The following FANCM variants were observed in gnomAD, a reference collection of about 807,000 sequenced individuals.
FANCM encodes Fanconi anemia group M protein.
Under a neutral mutation model 199.5 loss-of-function variants are expected in FANCM, and 140 were observed. That is an observed-to-expected ratio of 0.70 (90% CI 0.61 to 0.81). FANCM has a LOEUF of 0.81. Among genes scored for constraint, FANCM ranks in the 30% least tolerant of loss-of-function variants. FANCM has a pLI of 0.00. For synonymous variants in FANCM, 840 were observed against 836.8 expected (o/e 1.00, Z -0.07); for missense variants, 2,410 against 2,421.4 (o/e 1.00, Z 0.10).
rs1888675805 is a variant in FANCM, at chr14:45,176,156, G to C, written c.3402G>C (p.Leu1134Phe). 1.2e-6 allele frequency: 2 copies of C among 1,613,990 alleles called. No homozygotes were observed. Among genetic ancestry groups the C allele is most frequent in the Non-Finnish European group, 1.7e-6 (2 of 1,179,938 alleles). ...TGTCCACTGATCAAGATGAAAGTTTGCTGTTATTTGAAGATGTTAATACAG... is the reference window on the plus strand; with the variant it reads ...TGTCCACTGATCAAGATGAAAGTTTCCTGTTATTTGAAGATGTTAATACAG... ...PVLSTDQDESLLLFEDVNTEF... is the reference protein window; with the variant it reads ...PVLSTDQDESFLLFEDVNTEF... Residue 1134 changes from leucine to phenylalanine, a missense_variant, in exon 14 of 23, where the codon TTG becomes TTC. Physicochemically the swap from Leu to Phe is conservative, Grantham distance 22. Transcript: ENST00000267430.
intron 8 of FANCM, among the ~76,000 whole-genome samples, chr14:45,157,173 C>A (rs1887259412): frequency 2.0e-5 from 3 of 151,998 alleles, no homozygotes; most frequent in Non-Finnish European, 4.4e-5. Context: ...AAAGAAAGAG[C>A]AAACATGTTA....
rs1386562227 is a variant in FANCM, at chr14:45,167,092, A to C, written c.1931A>C (p.His644Pro). ...AAATTACACAAAATGTTCATCACAC[A>C]TGGTGTCTATGAACCAGAGAAGCCT... ...NPKLHKMFIT[H>P]GVYEPEKPSR... The change falls in exon 11 of 23, where the codon CAT (histidine) becomes CCT (proline). Residue 644 changes from histidine (H) to proline (P), a missense_variant. Physicochemically the swap from His to Pro is moderately conservative, Grantham distance 77 (BLOSUM62 -2). Coordinates refer to ENST00000267430, the MANE Select transcript of FANCM (RefSeq NM_020937.4). 2 of 1,613,404 alleles carry C rather than the reference A, an allele frequency of 1.2e-6. No homozygotes were observed. Among genetic ancestry groups the C allele is most frequent in the African/African-American group, 2.7e-5 (2 of 75,028 alleles).
chr14:45,155,257 T>A (rs1887096234), intron 7 of FANCM, 116 bp from the exon 8 acceptor site: 1 of 572,142 alleles, frequency 1.7e-6, no homozygotes, highest in Non-Finnish European at 3.1e-6. Context: ...TTAAGTTTTT[T>A]AAAAATTAAA....
chr14:45,185,536 T>C (rs569967508), intron 18 of FANCM, among the ~76,000 whole-genome samples, 163 bp downstream of exon 18: 1 of 152,348 alleles, frequency 6.6e-6, no homozygotes, highest in East Asian at 1.9e-4. Context: ...TAATACTTGC[T>C]TTATTTTAGA....
chr14:45,157,157 ATAAC>A (rs1344428032), intron 8 of FANCM, among the ~76,000 whole-genome samples: 1 of 152,180 alleles, frequency 6.6e-6, no homozygotes, highest in Non-Finnish European at 1.5e-5. Context: ...AAAAAAAAGA[ATAAC>A]AAAAGAAAGA....
In FANCM at chr14:45,176,752, A is replaced by C. The variant is rs143681767; in HGVS notation, c.3998A>C (p.Gln1333Pro). The C allele has an allele frequency of 2.9e-4, 472 of 1,603,532 alleles. 1 individual carries two copies. Among genetic ancestry groups the C allele is most frequent in the Non-Finnish European group, 3.8e-4 (443 of 1,173,640 alleles). Residue 1333 changes from glutamine to proline, a missense_variant, in exon 14 of 23, where the codon CAA becomes CCA. By Grantham distance (76) the Gln-to-Pro change is moderately conservative. Coordinates refer to ENST00000267430, the MANE Select transcript of FANCM (RefSeq NM_020937.4). ...PGYSQFSLPVQKKVMSTPLSK... is the reference protein window; with the variant it reads ...PGYSQFSLPVPKKVMSTPLSK... ...TATTCTCAGTTTTCTTTACCAGTGC[A>C]AAAAAAAGTTATGAGTACACCACTC...
Position 45,135,960 on chromosome 14 carries a change from G to T in FANCM, c.-72G>T. The T allele has an allele frequency of 2.0e-6, 3 of 1,531,444 alleles. No individual in the cohort carries two copies. The South Asian group carries it at 3.4e-5, about 17-fold the overall frequency. The allele number at this position is 1,531,444 out of a possible 1,614,324, so 94.9% of individuals were successfully genotyped here. On this transcript the variant is annotated 5_prime_UTR_variant, in exon 1 of 23. Transcript: ENST00000267430. ...GTTTTGTGCGAAGGAAACCGATGGG[G>T]ATCGGAACCGTAGCGGTTGAGCTGC...
At chr14:45,141,507 T>TC (rs1231647926) in intron 3 of FANCM, among the ~76,000 whole-genome samples, 1 of 81,996 alleles carries the variant, frequency 1.2e-5, no homozygotes, top group East Asian at 4.2e-4. Context: ...TCTGTTCTCC[T>TC]CCCCCTCCCC....
In FANCM at chr14:45,196,327, A is replaced by C. The variant is rs374303319; in HGVS notation, c.5496A>C (p.Glu1832Asp). The C allele has an allele frequency of 7.4e-6, 12 of 1,614,052 alleles. No homozygotes were observed. Among genetic ancestry groups the C allele is most frequent in the East Asian group, 4.5e-5 (2 of 44,876 alleles). ...GTCATGAAATCACTTCTGGATTAGAAGTAATTTCTTCCCTAAGAGCAATTC... is the reference window on the plus strand; with the variant it reads ...GTCATGAAATCACTTCTGGATTAGACGTAATTTCTTCCCTAAGAGCAATTC... ...VGGHEITSGL[E>D]VISSLRAIHG... The change falls in exon 21 of 23, where the codon GAA (glutamate) becomes GAC (aspartate). Residue 1832 changes from glutamate to aspartate, a missense_variant. Transcript: ENST00000267430.
At chr14:45,157,111 T>C (rs1887252735) in intron 8 of FANCM, among the ~76,000 whole-genome samples, 2 of 152,048 alleles carry the variant, frequency 1.3e-5, no homozygotes, top group African/African-American at 4.8e-5. Flanking sequence ...AAACATATTG[T>C]ACAACATAAA....
rs1158556585 is a variant in FANCM at position 45,192,653 on chromosome 14, AAAAACCAAAC to A, written c.5340+3296_5340+3305del. Among the ~76,000 whole-genome samples the A allele has an allele frequency of 2.2e-4, 33 of 151,984 alleles. 1 individual carries two copies. Among genetic ancestry groups the A allele is most frequent in the Admixed American group, 2.2e-3 (33 of 15,262 alleles). On this transcript the variant is annotated intron_variant, in intron 20 of 22. Coordinates refer to ENST00000267430, the MANE Select transcript of FANCM (RefSeq NM_020937.4). ...GCGAGACTCCATCTCAAAAAAAAAG[AAAAACCAAAC>A]AAAAGCAACAAAAAAATTAGCCTGG...
intron 8 of FANCM, among the ~76,000 whole-genome samples, chr14:45,157,929 G>T (rs1887312961): frequency 6.6e-6 from 1 of 152,200 alleles, no homozygotes; most frequent in South Asian, 2.1e-4. Context: ...GGATGTCGTG[G>T]CTCATGCCTG....
intron 3 of FANCM, among the ~76,000 whole-genome samples, chr14:45,146,624 A>G (rs1052107028): frequency 6.6e-6 from 1 of 151,852 alleles, no homozygotes; most frequent in Non-Finnish European, 1.5e-5. Context: ...AAGTCAGGAT[A>G]TCGAAACCAT....
intron 5 of FANCM, among the ~76,000 whole-genome samples, chr14:45,153,440 C>A (rs1886959932): frequency 1.3e-5 from 2 of 152,196 alleles, no homozygotes; most frequent in African/African-American, 4.8e-5. Flanking sequence ...GGCATTAAAA[C>A]AGTCTGATTA....
chr14:45,143,922 G>T (rs1191494101), intron 3 of FANCM, among the ~76,000 whole-genome samples: 1 of 151,296 alleles, frequency 6.6e-6, no homozygotes. Flanking sequence ...TCGAACCCCT[G>T]ACCTCGTGAT....
At chr14:45,177,553 G>A (rs1331778222) in intron 14 of FANCM, among the ~76,000 whole-genome samples, 1 of 152,048 alleles carries the variant, frequency 6.6e-6, no homozygotes, top group Non-Finnish European at 1.5e-5. Flanking sequence ...CATCATGCCC[G>A]GCTAAGTTTT....
chr14:45,195,593 C>G (rs764772739), intron 20 of FANCM: 1 of 455,640 alleles, frequency 2.2e-6, no homozygotes, highest in Non-Finnish European at 4.4e-6. Flanking sequence ...TGGGTATGTT[C>G]TGACTTAAGT....
At chr14:45,159,977 C>T (rs989608845) in intron 9 of FANCM, among the ~76,000 whole-genome samples, 3 of 148,162 alleles carry the variant, frequency 2.0e-5, no homozygotes, top group Non-Finnish European at 4.5e-5. Flanking sequence ...ATTCTGCAGA[C>T]GTTAGTAGAT....
In FANCM at chr14:45,155,066, G is replaced by A. The variant is rs1887084807; in HGVS notation, c.1309+244G>A. On this transcript the variant is annotated intron_variant, in intron 7 of 22. Coordinates refer to ENST00000267430, the MANE Select transcript of FANCM (RefSeq NM_020937.4). ...AAACTTTAAACATATAACAGATGTT[G>A]GTAATTGTTAGTGGTAGTAAAAATT... Among the ~76,000 whole-genome samples, 3 of 152,152 alleles carry A rather than the reference G, an allele frequency of 2.0e-5. No individual in the cohort carries two copies. The South Asian group carries it at 6.2e-4, about 32-fold the overall frequency.
Sources: allele counts gnomAD v4.1 joint callset (sites outside exome capture counted in the v4.1 genomes callset), GRCh38; gene constraint gnomAD v4.1.1; transcripts MANE v1.5; gene names NCBI Gene and HGNC (gene_info 2026-07-23, HGNC 2026-07-21).